The following ZNF782 variants were observed in gnomAD, a reference collection of about 807,000 sequenced individuals.
ZNF782 encodes zinc finger protein 782.
In ZNF782, 12 loss-of-function variants were observed where a neutral mutation model predicts 13.0. The ratio of observed to expected loss-of-function variants is 0.92; its 90% CI spans 0.59 to 1.50. The LOEUF is 1.50. Ranked by LOEUF, ZNF782 falls within the 40% of genes most tolerant of loss-of-function variation. The pLI, the probability that ZNF782 is intolerant of heterozygous loss-of-function variation, is 0.00. For missense variants in ZNF782, 770 were observed against 822.9 expected (o/e 0.94, Z 0.79); for synonymous variants, 284 against 283.0 (o/e 1.00, Z -0.04).
chr9:96,889,314 T>C, the ZNF782 span: 26 of 152,232 alleles, frequency 1.7e-4, no homozygotes, highest in African/African-American at 6.3e-4. Flanking sequence ...TCTTTCTCTA[T>C]CCAGCCATTT....
At chr9:96,913,795 G>C in the ZNF782 span, among the ~76,000 whole-genome samples, 1 of 151,390 alleles carries the variant, frequency 6.6e-6, no homozygotes, top group Non-Finnish European at 1.5e-5. Context: ...AAAGTGCGGG[G>C]ATTACAGAAC....
chr9:96,875,577 G>A (rs766906237), exon 1 of ZNF782: 9 of 456,574 alleles, frequency 2.0e-5, no homozygotes, highest in Non-Finnish European at 4.0e-5. Flanking sequence ...TTATAAACGG[G>A]CTCTCCTCTG....
the ZNF782 span, among the ~76,000 whole-genome samples, chr9:96,882,374 C>CT: frequency 6.6e-6 from 1 of 152,102 alleles, no homozygotes; most frequent in South Asian, 2.1e-4. Context: ...GCATTATTTC[C>CT]TTTTGCATAT....
intron 4 of ZNF782, among the ~76,000 whole-genome samples, chr9:96,843,930 C>T (rs1186128395): frequency 2.0e-5 from 3 of 152,018 alleles, no homozygotes; most frequent in Admixed American, 1.3e-4. Context: ...AACAAAAATA[C>T]TAAAAACTAA....
chr9:96,823,614 C>G (rs560269845), intron 5 of ZNF782, among the ~76,000 whole-genome samples: 26 of 152,230 alleles, frequency 1.7e-4, no homozygotes, highest in African/African-American at 4.8e-4. Context: ...GTAAAGTATT[C>G]CAAGATTACG....
In ZNF782 at chr9:96,817,792, G is replaced by C; in HGVS notation, c.*131C>G. ...ATTTATCTTCTATTCTTTGATATTT[G>C]GTGGAGGCTGAAATTGTAGAGGAAA... On this transcript the variant is annotated 3_prime_UTR_variant, in exon 6 of 6. Transcript: ENST00000481138. 1 of 742,748 alleles carries C rather than the reference G, an allele frequency of 1.3e-6. No homozygotes were observed. The highest frequency in any genetic ancestry group is 2.1e-6 in the Non-Finnish European group (1 of 483,740). The allele number at this position is 742,748 out of a possible 1,614,324, so 46.0% of individuals were successfully genotyped here.
At chr9:96,870,887 T>C (rs1480733264) in intron 1 of ZNF782, among the ~76,000 whole-genome samples, 1 of 152,216 alleles carries the variant, frequency 6.6e-6, no homozygotes, top group Middle Eastern at 3.2e-3. Context: ...GCAATCATTT[T>C]AAGCAAAAGC....
intron 4 of ZNF782, among the ~76,000 whole-genome samples, chr9:96,838,126 G>A (rs187403755): frequency 4.6e-5 from 7 of 152,232 alleles, no homozygotes; most frequent in Non-Finnish European, 1.0e-4. Flanking sequence ...AAATTATACT[G>A]AGAATTTTTC....
At chr9:96,874,308 T>G (rs1167025763) in intron 1 of ZNF782, among the ~76,000 whole-genome samples, 1 of 152,210 alleles carries the variant, frequency 6.6e-6, no homozygotes, top group Non-Finnish European at 1.5e-5. Context: ...TAAACACCTT[T>G]CGTGAACCAT....
At chr9:96,837,637 C>A (rs1196592831) in intron 4 of ZNF782, among the ~76,000 whole-genome samples, 1 of 152,088 alleles carries the variant, frequency 6.6e-6, no homozygotes, top group African/African-American at 2.4e-5. Flanking sequence ...TGAGATCTTT[C>A]TTCTTCCTTA....
Position 96,819,825 on chromosome 9 carries a change from C to T in ZNF782, c.245-47G>A, listed in dbSNP as rs377163677. 1.7e-5 allele frequency: 24 copies of T among 1,450,220 alleles called. No homozygotes were observed. The African/African-American group carries it at 2.9e-4, about 17-fold the overall frequency. 89.8% of individuals were successfully genotyped at this position (1,450,220 alleles called of 1,614,324 possible). A position where few individuals can be genotyped will look rare whatever the true frequency, so the allele number is the denominator to read the frequency against. On this transcript the variant is annotated intron_variant, in intron 5 of 5. Transcript: ENST00000481138. ...AAACTTTATGATATTTAACACATTT[C>T]TTATGGAATGGGACATATATGTATA...
At chr9:96,833,610 T>C (rs1408429657) in intron 4 of ZNF782, among the ~76,000 whole-genome samples, 2 of 152,330 alleles carry the variant, frequency 1.3e-5, no homozygotes, top group East Asian at 1.9e-4. Context: ...GACGATAACT[T>C]TGATCACCTG....
chr9:96,851,030 GT>G (rs1226341503), intron 3 of ZNF782, among the ~76,000 whole-genome samples: 2 of 152,050 alleles, frequency 1.3e-5, no homozygotes, highest in Non-Finnish European at 2.9e-5. Flanking sequence ...TTTATAATTT[GT>G]GTATGCAAGG....
chr9:96,848,239 C>T (rs1382232202), intron 3 of ZNF782, among the ~76,000 whole-genome samples: 2 of 152,088 alleles, frequency 1.3e-5, no homozygotes, highest in Non-Finnish European at 2.9e-5. Flanking sequence ...AAGCACTCCC[C>T]CTGAGAACAG....
At chr9:96,917,892 G>GTGTGTC in the ZNF782 span, among the ~76,000 whole-genome samples, 7 of 137,228 alleles carry the variant, frequency 5.1e-5, no homozygotes, top group African/African-American at 1.5e-4. Flanking sequence ...CTTGGCGTGT[G>GTGTGTC]TGTGTGTGTG....
chr9:96,881,808 C>T, the ZNF782 span, among the ~76,000 whole-genome samples: 4 of 152,008 alleles, frequency 2.6e-5, no homozygotes, highest in African/African-American at 9.7e-5. Flanking sequence ...ATCACACTAT[C>T]GTAAATACTG....
chr9:96,874,844 C>T (rs1851873771), intron 1 of ZNF782, among the ~76,000 whole-genome samples: 1 of 152,242 alleles, frequency 6.6e-6, no homozygotes, highest in Non-Finnish European at 1.5e-5. Flanking sequence ...TTTAGGGACA[C>T]AAACCTGGCC....
chr9:96,902,095 A>G, the ZNF782 span, among the ~76,000 whole-genome samples: 9 of 152,164 alleles, frequency 5.9e-5, no homozygotes, highest in Admixed American at 3.9e-4. Context: ...AGAATCCCCA[A>G]ATCTTTTTTT....
At chr9:96,927,182 G>C in the ZNF782 span, among the ~76,000 whole-genome samples, 2 of 152,226 alleles carry the variant, frequency 1.3e-5, no homozygotes, top group Non-Finnish European at 2.9e-5. Context: ...TGAAGATGAG[G>C]ACAGCAATGA....
Sources: gnomAD v4.1 joint callset for allele counts (sites outside exome capture counted in the v4.1 genomes callset) on GRCh38, gnomAD v4.1.1 for gene constraint, MANE v1.5 for transcripts, NCBI Gene and HGNC (gene_info 2026-07-23, HGNC 2026-07-21) for gene names.